NPAS3: variants seen among roughly 807,000 people sequenced by gnomAD.
The protein encoded by NPAS3 is neuronal PAS domain-containing protein 3.
In NPAS3, 14 loss-of-function variants were observed where a neutral mutation model predicts 73.1. The ratio of observed to expected loss-of-function variants is 0.19; its 90% CI spans 0.13 to 0.30. The LOEUF (loss-of-function observed/expected upper bound fraction) is 0.30, where lower values mean the gene tolerates loss of function less well. NPAS3 is among the 10% of genes least tolerant of loss of function. The probability of loss-of-function intolerance (pLI) is 1.00; values close to 1 mark genes in which losing one functional copy is unlikely to be tolerated. For missense variants in NPAS3, 1,096 were observed against 1,250.0 expected, an observed-to-expected ratio of 0.88 and a Z score of 1.86; for synonymous variants, 620 against 541.5, an observed-to-expected ratio of 1.14 and a Z score of -2.01.
intron 2 of NPAS3, among the ~76,000 whole-genome samples, chr14:33,101,922 A>G (rs1055205855): frequency 6.6e-6 from 1 of 151,994 alleles, no homozygotes; most frequent in African/African-American, 2.4e-5. Context: ...ACCCAGTTTT[A>G]CAAGCCATAA....
At chr14:33,133,121 A>G (rs2043701443) in intron 2 of NPAS3, among the ~76,000 whole-genome samples, 1 of 152,190 alleles carries the variant, frequency 6.6e-6, no homozygotes, top group Admixed American at 6.6e-5. Flanking sequence ...TAGTAACACA[A>G]AAATTCCCAC....
At chr14:33,082,967 G>A (rs1189285788) in intron 2 of NPAS3, among the ~76,000 whole-genome samples, 6 of 152,022 alleles carry the variant, frequency 3.9e-5, no homozygotes, top group Non-Finnish European at 8.8e-5. Flanking sequence ...CATCACTTGA[G>A]TTCAGAAGTT....
intron 4 of NPAS3, among the ~76,000 whole-genome samples, chr14:33,404,247 T>C (rs1300793740): frequency 6.6e-6 from 1 of 152,168 alleles, no homozygotes; most frequent in Non-Finnish European, 1.5e-5. Context: ...CTTGTTGCTA[T>C]ACTACGTGTG....
At chr14:33,010,956 G>GAAAAAAAAAAAAAAAAAAAAAAGA (rs36078548) in intron 1 of NPAS3, among the ~76,000 whole-genome samples, 1 of 142,364 alleles carries the variant, frequency 7.0e-6, no homozygotes. Context: ...AAAAAAAAAA[G>GAAAAAAAAAAAAAAAAAAAAAAGA]AAAAGAAAAA....
At chr14:33,459,191 G>A (rs2050149695) in intron 4 of NPAS3, among the ~76,000 whole-genome samples, 1 of 152,136 alleles carries the variant, frequency 6.6e-6, no homozygotes, top group Admixed American at 6.5e-5. Context: ...GTGGGTTTTG[G>A]CCGGCTTCTT....
Position 32,964,823 on chromosome 14 carries a change from AAG to A in NPAS3, c.50+25459_50+25460del, listed in dbSNP as rs1555311000. The stretch of plus-strand genomic sequence containing the variant: ...GACCCCTGTCTCTACAAAAAAAAAA[AAG>A]AAGAAGATTAGCTCGGTGTGGTGGT... On this transcript the variant is annotated intron_variant, in intron 1 of 11. Transcript: ENST00000356141. Among the ~76,000 whole-genome samples, 6 of 148,940 alleles carry A rather than the reference AAG, an allele frequency of 4.0e-5. No homozygotes were observed. The South Asian group carries it at 6.5e-4, about 16-fold the overall frequency.
At chr14:33,429,423 C>T (rs1318243119) in intron 4 of NPAS3, among the ~76,000 whole-genome samples, 1 of 152,098 alleles carries the variant, frequency 6.6e-6, no homozygotes, top group African/African-American at 2.4e-5. Context: ...CCAAGCCCAA[C>T]GACCTAGTTT....
intron 4 of NPAS3, among the ~76,000 whole-genome samples, chr14:33,539,006 A>G (rs997631589): frequency 1.3e-5 from 2 of 152,034 alleles, no homozygotes; most frequent in Non-Finnish European, 2.9e-5. Flanking sequence ...TATGCAGGCA[A>G]CCTCTCAAGC....
chr14:33,237,656 A>G (rs2048079956), intron 3 of NPAS3, among the ~76,000 whole-genome samples: 1 of 152,028 alleles, frequency 6.6e-6, no homozygotes, highest in Non-Finnish European at 1.5e-5. Flanking sequence ...TTTCAGTCAA[A>G]ATGGAGGGTA....
chr14:32,977,088 C>T (rs773551038), intron 1 of NPAS3, among the ~76,000 whole-genome samples: 76 of 119,976 alleles, frequency 6.3e-4, no homozygotes, highest in Middle Eastern at 8.5e-3. Context: ...ACGTTTTTAA[C>T]GGCATAACAT....
At chr14:33,774,450 G>A (rs377477911) in exon 8 of NPAS3, 62 of 1,613,992 alleles carry the variant, frequency 3.8e-5, no homozygotes, top group Non-Finnish European at 5.2e-5. Context: ...CTCCCCCTAC[G>A]ATCAATGAAG....
chr14:33,535,398 T>C (rs1204105052), intron 4 of NPAS3, among the ~76,000 whole-genome samples: 1 of 152,192 alleles, frequency 6.6e-6, no homozygotes, highest in East Asian at 1.9e-4. Context: ...CCAGAGCAGA[T>C]GCAAATGTGG....
chr14:32,989,601 C>G (rs548080624), intron 1 of NPAS3, among the ~76,000 whole-genome samples: 1 of 152,036 alleles, frequency 6.6e-6, no homozygotes, highest in Non-Finnish European at 1.5e-5. Flanking sequence ...GCCGAGAGCC[C>G]GCCACTGCAC....
At chr14:33,292,540 C>T (rs564245956) in intron 3 of NPAS3, among the ~76,000 whole-genome samples, 2 of 151,936 alleles carry the variant, frequency 1.3e-5, no homozygotes, top group Non-Finnish European at 2.9e-5. Context: ...TTTAAATATG[C>T]CCTAAAATAT....
rs920066914 is a variant in NPAS3 at position 33,669,286 on chromosome 14, T to C, written c.559-6925T>C. Among the ~76,000 whole-genome samples the C allele has an allele frequency of 3.3e-5, 5 of 152,216 alleles. No individual in the cohort carries two copies. The East Asian group carries it at 9.6e-4, about 29-fold the overall frequency. On this transcript the variant is annotated intron_variant, in intron 5 of 11. Coordinates refer to ENST00000356141, the Ensembl canonical transcript of NPAS3. ...TTTGCCTTCTCAGCACTGTGATAAA[T>C]ACTAAAAAGTTGGCCTTTTCTCCCC... is the stretch of plus-strand genomic sequence containing the variant.
chr14:33,568,180 T>A (rs755434456), intron 5 of NPAS3, among the ~76,000 whole-genome samples: 10 of 152,220 alleles, frequency 6.6e-5, no homozygotes, highest in Admixed American at 2.0e-4. Context: ...AAACAGTATT[T>A]TCAGATTCAT....
chr14:33,319,032 G>T (rs80028519), intron 3 of NPAS3, among the ~76,000 whole-genome samples: 5,145 of 152,122 alleles, frequency 0.034, 277 homozygotes, highest in East Asian at 0.19. Flanking sequence ...GAGTTTTCCT[G>T]TTAGTCTTAC....
chr14:33,260,637 C>G (rs2048942568), intron 3 of NPAS3, among the ~76,000 whole-genome samples: 1 of 152,252 alleles, frequency 6.6e-6, no homozygotes, highest in South Asian at 2.1e-4. Flanking sequence ...TTTATCTACA[C>G]TATATTTCAG....
At chr14:32,938,780 G>C (rs1354174812), upstream of NPAS3, among the ~76,000 whole-genome samples, 3 of 148,510 alleles carry the variant, frequency 2.0e-5, no homozygotes, top group Non-Finnish European at 3.0e-5. Flanking sequence ...GTGAGAACCC[G>C]GAGGCGGCGG....
Sources: gnomAD v4.1 joint callset for allele counts (sites outside exome capture counted in the v4.1 genomes callset) on GRCh38, gnomAD v4.1.1 for gene constraint, MANE v1.5 for transcripts, NCBI Gene and HGNC (gene_info 2026-07-23, HGNC 2026-07-21) for gene names.